The following ABCC9 variants were observed in gnomAD, a reference collection of about 807,000 sequenced individuals.
The protein encoded by ABCC9 is ATP-binding cassette sub-family C member 9.
ABCC9 carries 95 observed loss-of-function variants against 188.3 expected under a neutral mutation model. The ratio of observed to expected loss-of-function variants is 0.50; its 90% confidence interval spans 0.43 to 0.60. The LOEUF (loss-of-function observed/expected upper bound fraction) is 0.60, where lower values mean the gene tolerates loss of function less well. ABCC9 is among the 20% of genes least tolerant of loss of function. The probability of loss-of-function intolerance (pLI) is 0.00; values close to 1 mark genes in which losing one functional copy is unlikely to be tolerated. For synonymous variants in ABCC9, 659 were observed against 652.7 expected (o/e 1.01, Z -0.15); for missense variants, 1,102 against 1,876.3 (o/e 0.59, Z 7.62).
In ABCC9 at chr12:21,915,225, A is replaced by ATGTGTGTG. The variant is rs377233626; in HGVS notation, c.816+435_816+442dup. ...CTAAGCTTTGTGTCTTTATATATAT[A>ATGTGTGTG]TGTGTGTGTGTGTGTGTGTGTGTGT... is the stretch of plus-strand genomic sequence containing the variant. On this transcript the variant is annotated intron_variant, in intron 7 of 39. Coordinates refer to ENST00000261200, the MANE Select transcript of ABCC9 (RefSeq NM_020297.4). Among the ~76,000 whole-genome samples the ATGTGTGTG allele has an allele frequency of 1.7e-3, 214 of 129,146 alleles. 2 individuals carry two copies. The highest frequency in any genetic ancestry group is 9.1e-3 in the Middle Eastern group (2 of 220). The allele number at this position is 129,146 out of a possible 152,430, so 84.7% of individuals were successfully genotyped here. A position where few individuals can be genotyped will look rare whatever the true frequency, so the allele number is the denominator to read the frequency against.
At chr12:21,908,030 C>G in intron 11 of ABCC9, 47 bp downstream of exon 11, 1 of 1,589,050 alleles carries the variant, frequency 6.3e-7, no homozygotes, top group Non-Finnish European at 8.6e-7. Flanking sequence ...AAAATTAAAA[C>G]AGCATTTCTC....
chr12:21,920,993 C>A (rs2137960340), intron 5 of ABCC9, among the ~76,000 whole-genome samples: 1 of 152,128 alleles, frequency 6.6e-6, no homozygotes, highest in South Asian at 2.1e-4. Flanking sequence ...TAGGTTGCTT[C>A]AAAATCTTAG....
intron 4 of ABCC9, among the ~76,000 whole-genome samples, chr12:21,931,839 G>C (rs1592265243): frequency 6.6e-6 from 1 of 152,058 alleles, no homozygotes; most frequent in Non-Finnish European, 1.5e-5. Context: ...ATCCAATTAA[G>C]CTTCTAAATG....
At chr12:21,921,137 G>A (rs1314806534) in intron 5 of ABCC9, among the ~76,000 whole-genome samples, 1 of 151,974 alleles carries the variant, frequency 6.6e-6, no homozygotes, top group Admixed American at 6.6e-5. Context: ...GTTTTTTAAG[G>A]AACCTACAAA....
rs551656154 is a variant in ABCC9 at position 21,841,241 on chromosome 12, T to C, written c.3473+1073A>G. On this transcript the variant is annotated intron_variant, in intron 29 of 39. Coordinates refer to ENST00000261200, the MANE Select transcript of ABCC9 (RefSeq NM_020297.4). ...AACAGCTGGTATTATATTTCATTTA[T>C]TCAACATCTCAGTAAATGACAAATC... Among the ~76,000 whole-genome samples, 10 of 152,288 alleles carry C rather than the reference T, an allele frequency of 6.6e-5. No homozygotes were observed. In the East Asian group the frequency reaches 1.9e-3, roughly 29 times the overall value.
intron 15 of ABCC9, among the ~76,000 whole-genome samples, chr12:21,883,172 T>C (rs1247977160): frequency 6.6e-6 from 1 of 152,212 alleles, no homozygotes; most frequent in African/African-American, 2.4e-5. Flanking sequence ...ATGATATGGA[T>C]GGATTATGCC....
At chr12:21,818,414 C>T (rs1942801908) in intron 31 of ABCC9, among the ~76,000 whole-genome samples, 163 bp from the exon 32 acceptor site, 1 of 150,868 alleles carries the variant, frequency 6.6e-6, no homozygotes, top group African/African-American at 2.4e-5. Context: ...TAATAGCTTG[C>T]AATATTAGAG....
At chr12:21,801,568 A>G (rs1473187205) in intron 39 of ABCC9, among the ~76,000 whole-genome samples, 1 of 152,162 alleles carries the variant, frequency 6.6e-6, no homozygotes, top group Non-Finnish European at 1.5e-5. Context: ...ACAGTCACTA[A>G]TTATTTGGGC....
chr12:21,850,362 T>A (rs193185676), intron 24 of ABCC9, among the ~76,000 whole-genome samples: 1 of 152,180 alleles, frequency 6.6e-6, no homozygotes, highest in Non-Finnish European at 1.5e-5. Context: ...TGGCTGCAGA[T>A]GAATTCAGGT....
intron 7 of ABCC9, among the ~76,000 whole-genome samples, chr12:21,913,393 T>G (rs1334928401): frequency 6.6e-6 from 1 of 152,156 alleles, no homozygotes; most frequent in Non-Finnish European, 1.5e-5. Flanking sequence ...TTTCTTTGAT[T>G]GGGAAAATAT....
At chr12:21,823,481 T>G (rs1330700056) in intron 31 of ABCC9, among the ~76,000 whole-genome samples, 1 of 152,200 alleles carries the variant, frequency 6.6e-6, no homozygotes, top group Non-Finnish European at 1.5e-5. Context: ...TGTCTGTCGT[T>G]GAATTGTGAA....
intron 25 of ABCC9, 150 bp downstream of exon 25, chr12:21,848,000 C>T (rs1944771163): frequency 1.5e-6 from 1 of 672,622 alleles, no homozygotes; most frequent in Admixed American, 2.2e-5. Flanking sequence ...CTTTCCTTGA[C>T]TCCTATTGTT....
intron 5 of ABCC9, among the ~76,000 whole-genome samples, chr12:21,917,415 A>C (rs544143825): frequency 1.3e-5 from 2 of 152,312 alleles, no homozygotes; most frequent in South Asian, 2.1e-4. Flanking sequence ...AATTTTAAAA[A>C]GTAGCTTTAT....
At chr12:21,927,279 T>G (rs1444846559) in intron 4 of ABCC9, among the ~76,000 whole-genome samples, 1 of 152,174 alleles carries the variant, frequency 6.6e-6, no homozygotes, top group Non-Finnish European at 1.5e-5. Context: ...AACACTTGAA[T>G]AGGTAAGCGG....
At chr12:21,833,666 A>T (rs532019873) in intron 30 of ABCC9, among the ~76,000 whole-genome samples, 23 of 152,210 alleles carry the variant, frequency 1.5e-4, no homozygotes, top group Non-Finnish European at 2.9e-4. Flanking sequence ...TTATATGTTG[A>T]ACTCATCAAC....
At chr12:21,881,980 C>T (rs1946641279) in intron 16 of ABCC9, among the ~76,000 whole-genome samples, 1 of 152,142 alleles carries the variant, frequency 6.6e-6, no homozygotes, top group African/African-American at 2.4e-5. Flanking sequence ...CATGTTTGTT[C>T]TGATTATGAA....
At chr12:21,865,082 G>T (rs146115661) in intron 18 of ABCC9, among the ~76,000 whole-genome samples, 1 of 152,228 alleles carries the variant, frequency 6.6e-6, no homozygotes, top group East Asian at 1.9e-4. Context: ...CCTGTATTAT[G>T]AGGAAAGACA....
chr12:21,863,211 T>G (rs1408308984), intron 19 of ABCC9, among the ~76,000 whole-genome samples, 157 bp from the exon 20 acceptor site: 1 of 149,580 alleles, frequency 6.7e-6, no homozygotes, highest in African/African-American at 2.5e-5. Flanking sequence ...ACCACCAACC[T>G]TATTAAGAAA....
rs547213635 is a variant in ABCC9 at position 21,913,040 on chromosome 12, C to A, written c.843G>T (p.Arg281=). ...ACATTGCAAGCCATATAGATGGAGT[C>A]CGATTTGGATGATCTGCAACTTTTT... ...QKKKVADHPN[R]TPSIWLAMYR... is the part of the protein sequence containing the mutation. The change falls in exon 8 of 40, where the codon CGG becomes CGT. Residue 281 remains arginine (R), a synonymous_variant. Transcript: ENST00000261200. The A allele has an allele frequency of 1.1e-5, 17 of 1,602,888 alleles. No homozygotes were observed. The South Asian group carries it at 1.9e-4, about 18-fold the overall frequency.
Sources: gnomAD v4.1 joint callset for allele counts (sites outside exome capture counted in the v4.1 genomes callset) on GRCh38, gnomAD v4.1.1 for gene constraint, MANE v1.5 for transcripts, NCBI Gene and HGNC (gene_info 2026-07-23, HGNC 2026-07-21) for gene names.